The following CWC27 variants were observed in gnomAD, a reference collection of about 807,000 sequenced individuals.
CWC27 encodes the protein CWC27 spliceosome associated cyclophilin.
CWC27 carries 47 observed loss-of-function variants against 63.6 expected under a neutral mutation model. The ratio of observed to expected loss-of-function variants is 0.74; its 90% CI spans 0.58 to 0.94. The LOEUF (loss-of-function observed/expected upper bound fraction) is 0.94, where lower values mean the gene tolerates loss of function less well. CWC27 is among the 40% of genes least tolerant of loss of function. The pLI is 0.00. For synonymous variants in CWC27, 175 were observed against 179.8 expected (o/e 0.97, Z 0.22); for missense variants, 495 against 554.3 (o/e 0.89, Z 1.07).
At position 64,817,632 on chromosome 5, in the gene CWC27, C is replaced by T. The variant is rs540813996; in HGVS notation, c.938+13246C>T. Among the ~76,000 whole-genome samples, 49 of 152,198 alleles carry T rather than the reference C, an allele frequency of 3.2e-4. 1 individual carries two copies. In the East Asian group the frequency reaches 8.5e-3, roughly 26 times the overall value. ...CTTATAACAGCAGACACAATATAAA[C>T]CATTCAGTAATGACCTACTTTGAAG... On this transcript the variant is annotated intron_variant, in intron 10 of 13. Transcript: ENST00000381070.
intron 10 of CWC27, among the ~76,000 whole-genome samples, chr5:64,841,272 A>G (rs1438895592): frequency 6.6e-6 from 1 of 152,188 alleles, no homozygotes; most frequent in East Asian, 1.9e-4. Context: ...AATAAGTCCA[A>G]ACATCTTGTT....
chr5:64,877,961 G>A (rs1322731371), intron 10 of CWC27, among the ~76,000 whole-genome samples: 2 of 151,700 alleles, frequency 1.3e-5, no homozygotes, highest in African/African-American at 2.4e-5. Context: ...TGAAAACCAA[G>A]GAAATAATTT....
intron 12 of CWC27, 23 bp downstream of exon 12, chr5:64,971,835 A>G (rs773114732): frequency 2.1e-6 from 3 of 1,459,066 alleles, no homozygotes; most frequent in Admixed American, 3.7e-5. Flanking sequence ...ACCCAAATCC[A>G]TACAGAACTT....
intron 11 of CWC27, among the ~76,000 whole-genome samples, chr5:64,950,353 TA>T (rs33921430): frequency 0.46 from 68,944 of 151,522 alleles, 15,850 homozygotes; most frequent in African/African-American, 0.5. Flanking sequence ...AAACTAAACT[TA>T]ACATAAATTT....
chr5:64,995,097 G>A (rs1358834635), intron 13 of CWC27, among the ~76,000 whole-genome samples: 2 of 146,782 alleles, frequency 1.4e-5, no homozygotes, highest in Non-Finnish European at 3.0e-5. Context: ...TCAGCCTCCC[G>A]AGTAGTTGGG....
intron 13 of CWC27, among the ~76,000 whole-genome samples, chr5:65,013,890 T>TAATATA (rs1750006441): frequency 6.6e-6 from 1 of 152,172 alleles, no homozygotes; most frequent in Non-Finnish European, 1.5e-5. Context: ...GAATTGCTAA[T>TAATATA]GTTGGAATTC....
At position 64,776,068 on chromosome 5, in the gene CWC27, C is replaced by CGAGAGAGAGAGAGA. The variant is rs70983650; in HGVS notation, c.139+1322_139+1335dup. Among the ~76,000 whole-genome samples the CGAGAGAGAGAGAGA allele has an allele frequency of 8.9e-4, 97 of 108,624 alleles. 4 individuals are homozygous for CGAGAGAGAGAGAGA. The highest frequency in any genetic ancestry group is 2.6e-3 in the African/African-American group (69 of 26,606). 71.3% of individuals were successfully genotyped at this position (108,624 alleles called of 152,430 possible). ...AAGAGAGAGGTGGGGAGGAGTGGAG[C>CGAGAGAGAGAGAGA]GAGAGAGAGAGAGAGAGAGAGAGAG... On this transcript the variant is annotated intron_variant, in intron 2 of 13. Transcript: ENST00000381070.
intron 13 of CWC27, among the ~76,000 whole-genome samples, chr5:64,979,785 A>G (rs1749300894): frequency 6.6e-6 from 1 of 152,170 alleles, no homozygotes; most frequent in Non-Finnish European, 1.5e-5. Context: ...ATGTGTCCAC[A>G]TGAGTGGCCA....
At chr5:64,900,411 G>A (rs984295919) in intron 11 of CWC27, among the ~76,000 whole-genome samples, 6 of 152,112 alleles carry the variant, frequency 3.9e-5, no homozygotes, top group African/African-American at 1.4e-4. Flanking sequence ...TGTGTTGTTT[G>A]TTATTTACTA....
At chr5:64,829,345 A>G (rs545984160) in intron 10 of CWC27, among the ~76,000 whole-genome samples, 4 of 152,240 alleles carry the variant, frequency 2.6e-5, no homozygotes, top group African/African-American at 9.6e-5. Flanking sequence ...TGTTATTTAG[A>G]ATAGGTAAAA....
intron 11 of CWC27, among the ~76,000 whole-genome samples, chr5:64,907,571 A>C (rs1360588495): frequency 2.6e-5 from 4 of 152,184 alleles, no homozygotes; most frequent in Admixed American, 6.5e-5. Flanking sequence ...GGGCTGAGAC[A>C]CTGGGGTTTT....
intron 10 of CWC27, among the ~76,000 whole-genome samples, chr5:64,870,638 G>A (rs1441396851): frequency 1.3e-5 from 2 of 151,922 alleles, no homozygotes; most frequent in African/African-American, 4.8e-5. Flanking sequence ...TTTGTTCAAG[G>A]AAAATTATTT....
intron 13 of CWC27, among the ~76,000 whole-genome samples, chr5:65,004,479 T>C (rs887420274): frequency 3.3e-5 from 5 of 150,834 alleles, no homozygotes; most frequent in Non-Finnish European, 7.4e-5. Flanking sequence ...ATCTAGTCTA[T>C]TGTTGAAGCT....
intron 11 of CWC27, among the ~76,000 whole-genome samples, chr5:64,927,946 G>C (rs1216688028): frequency 6.6e-6 from 1 of 152,130 alleles, no homozygotes; most frequent in Admixed American, 6.6e-5. Flanking sequence ...CCTGAGGTCA[G>C]GAGTTCGAGA....
chr5:64,966,301 C>T (rs186223421), intron 11 of CWC27, among the ~76,000 whole-genome samples: 3 of 152,106 alleles, frequency 2.0e-5, no homozygotes, highest in Admixed American at 6.5e-5. Flanking sequence ...TTGACTTGTG[C>T]AAGAGTCTGT....
In CWC27 at chr5:64,789,094, C is replaced by T. The variant is rs58091203; in HGVS notation, c.669+74C>T. 205 of 938,444 alleles carry T rather than the reference C, an allele frequency of 2.2e-4. No individual in the cohort carries two copies. The African/African-American group carries it at 3.1e-3, about 14-fold the overall frequency. The allele number at this position is 938,444 out of a possible 1,614,324, so 58.1% of individuals were successfully genotyped here. On this transcript the variant is annotated intron_variant, in intron 7 of 13. Transcript: ENST00000381070. ...CTATATCTTACTCACTATTGTATCT[C>T]CTGCTATATCTGGCACAGCATGTTT...
At chr5:65,010,660 A>G (rs1749936270) in intron 13 of CWC27, among the ~76,000 whole-genome samples, 2 of 152,200 alleles carry the variant, frequency 1.3e-5, no homozygotes, top group Admixed American at 6.5e-5. Flanking sequence ...CTGTCCGAGG[A>G]CAATATATGT....
At chr5:64,992,714 T>A (rs1157659600) in intron 13 of CWC27, among the ~76,000 whole-genome samples, 49 of 136,584 alleles carry the variant, frequency 3.6e-4, no homozygotes, top group African/African-American at 1.1e-3. Flanking sequence ...TTTTTTTTTT[T>A]AATAGAGACA....
chr5:64,956,807 A>G (rs989465738), intron 11 of CWC27, among the ~76,000 whole-genome samples: 5 of 152,166 alleles, frequency 3.3e-5, no homozygotes, highest in Non-Finnish European at 7.4e-5. Flanking sequence ...TATTAGCCAT[A>G]TAAACTGGGG....
Sources: allele counts gnomAD v4.1 joint callset (sites outside exome capture counted in the v4.1 genomes callset), GRCh38; gene constraint gnomAD v4.1.1; transcripts MANE v1.5; gene names NCBI Gene and HGNC (gene_info 2026-07-23, HGNC 2026-07-21).